ADGRE2: variants seen among roughly 807,000 people sequenced by gnomAD.
The protein encoded by ADGRE2 is CD97 antigen.
In ADGRE2, 83 loss-of-function variants were observed where a neutral mutation model predicts 100.8. That is an observed-to-expected ratio of 0.82 (90% CI 0.69 to 0.99). The LOEUF (loss-of-function observed/expected upper bound fraction) is 0.99, where lower values mean the gene tolerates loss of function less well. Ranked by LOEUF, ADGRE2 falls within the 50% of genes least tolerant of loss-of-function variation. The probability of loss-of-function intolerance (pLI) is 0.00; values close to 1 mark genes in which losing one functional copy is unlikely to be tolerated. For missense variants in ADGRE2, 814 were observed against 1,035.7 expected, an observed-to-expected ratio of 0.79 and a Z score of 2.94; for synonymous variants, 355 against 413.0, an observed-to-expected ratio of 0.86 and a Z score of 1.70.
At chr19:14,752,889 A>G (rs2147245024) in intron 14 of ADGRE2, among the ~76,000 whole-genome samples, 1 of 151,810 alleles carries the variant, frequency 6.6e-6, no homozygotes, top group Admixed American at 6.6e-5. Flanking sequence ...CTCGTGTCTC[A>G]GCCTCCCAAG....
chr19:14,741,868 G>C, intron 20 of ADGRE2: 1 of 395,608 alleles, frequency 2.5e-6, no homozygotes, highest in Non-Finnish European at 4.4e-6. Flanking sequence ...ATATAATCTG[G>C]AGAAGATGGA....
At chr19:14,775,586 C>T (rs1032636144) in intron 2 of ADGRE2, among the ~76,000 whole-genome samples, 1 of 151,976 alleles carries the variant, frequency 6.6e-6, no homozygotes, top group African/African-American at 2.4e-5. Context: ...TGGTCAGGCA[C>T]GGTGGCTCGG....
At chr19:14,746,012 T>C (rs1371143611) in intron 18 of ADGRE2, among the ~76,000 whole-genome samples, 1 of 152,198 alleles carries the variant, frequency 6.6e-6, no homozygotes, top group Non-Finnish European at 1.5e-5. Flanking sequence ...TGCTCTGGGA[T>C]TCACAAACTG....
intron 2 of ADGRE2, among the ~76,000 whole-genome samples, chr19:14,776,123 C>A (rs937799600): frequency 6.6e-6 from 1 of 152,070 alleles, no homozygotes; most frequent in East Asian, 1.9e-4. Context: ...GGGGGACCCT[C>A]CTCAGGTCAC....
intron 5 of ADGRE2, among the ~76,000 whole-genome samples, chr19:14,768,426 G>A (rs531359938): frequency 6.6e-6 from 1 of 152,318 alleles, no homozygotes; most frequent in African/African-American, 2.4e-5. Flanking sequence ...ACTGGCCCTG[G>A]GTGAAGGTTT....
chr19:14,747,368 C>T (rs2043125998), intron 16 of ADGRE2, among the ~76,000 whole-genome samples: 1 of 151,966 alleles, frequency 6.6e-6, no homozygotes, highest in Non-Finnish European at 1.5e-5. Context: ...GGTGTGGTGG[C>T]TCACACCTGT....
Position 14,733,789 on chromosome 19 carries a change from C to G in ADGRE2, c.*2447G>C, listed in dbSNP as rs888478979. 1 of 152,166 alleles carries G rather than the reference C, an allele frequency of 6.6e-6. No individual in the cohort carries two copies. Among genetic ancestry groups the G allele is most frequent in the South Asian group, 2.1e-4 (1 of 4,832 alleles). 9.4% of individuals were successfully genotyped at this position (152,166 alleles called of 1,614,324 possible). ...CTCTTTCTTTAATTCTTACACTGAC[C>G]TAGTGGTGGAGGCTTGGCAAGGATG... On this transcript the variant is annotated 3_prime_UTR_variant, in exon 21 of 21. Coordinates refer to ENST00000315576, the MANE Select transcript of ADGRE2 (RefSeq NM_013447.4).
downstream of ADGRE2, among the ~76,000 whole-genome samples, chr19:14,730,479 T>A (rs1792239048): frequency 6.6e-6 from 1 of 151,678 alleles, no homozygotes. Flanking sequence ...ACTTTTTTCT[T>A]TTTCTTTCTT....
chr19:14,739,849 C>T (rs1568576248), intron 20 of ADGRE2, among the ~76,000 whole-genome samples: 1 of 152,118 alleles, frequency 6.6e-6, no homozygotes, highest in Non-Finnish European at 1.5e-5. Flanking sequence ...GTCTGTAATC[C>T]CAGCACTTTG....
At chr19:14,764,374 G>C (rs1386996332) in intron 11 of ADGRE2, 59 bp downstream of exon 11, 1 of 1,553,446 alleles carries the variant, frequency 6.4e-7, no homozygotes, top group African/African-American at 1.4e-5. Context: ...GTGGGACTGG[G>C]AAAGGAAGGA....
chr19:14,764,345 G>C (rs569187152), intron 11 of ADGRE2, 88 bp downstream of exon 11: 2 of 1,181,296 alleles, frequency 1.7e-6, no homozygotes, highest in South Asian at 2.5e-5. Context: ...TGATATACAG[G>C]TGTGGTCACT....
chr19:14,725,906 C>T, the ADGRE2 span, among the ~76,000 whole-genome samples: 1 of 152,156 alleles, frequency 6.6e-6, no homozygotes, highest in Non-Finnish European at 1.5e-5. Context: ...GGGAGGTGGC[C>T]CTCCAGCTCC....
Position 14,768,724 on chromosome 19 carries a change from A to G in ADGRE2, c.356-1615T>C, listed in dbSNP as rs117769114. The G allele has an allele frequency of 2.5e-3, 388 of 152,454 alleles. 1 individual carries two copies. The highest frequency in any genetic ancestry group is 2.6e-3 in the Non-Finnish European group (180 of 68,148). 9.4% of individuals were successfully genotyped at this position (152,454 alleles called of 1,614,324 possible). A position where few individuals can be genotyped will look rare whatever the true frequency, so the allele number is the denominator to read the frequency against. On this transcript the variant is annotated intron_variant, in intron 5 of 20. Transcript: ENST00000315576. ...AGCCACAACATCCTCCAGTGCACTCAGGTGGACCAAAACTATCAGGAAGGG... is the reference window on the plus strand; with the variant it reads ...AGCCACAACATCCTCCAGTGCACTCGGGTGGACCAAAACTATCAGGAAGGG...
chr19:14,769,225 C>T (rs968041116), intron 5 of ADGRE2, among the ~76,000 whole-genome samples: 2 of 143,918 alleles, frequency 1.4e-5, no homozygotes, highest in Non-Finnish European at 3.0e-5. Context: ...CACCCCCCCC[C>T]CATCTTTACT....
intron 10 of ADGRE2, among the ~76,000 whole-genome samples, 191 bp from the exon 11 acceptor site, chr19:14,764,801 A>G (rs911774525): frequency 1.3e-5 from 2 of 152,182 alleles, no homozygotes; most frequent in East Asian, 3.9e-4. Flanking sequence ...GGTGGGTCAC[A>G]AGGTCAGGAG....
intron 7 of ADGRE2, 119 bp downstream of exon 7, chr19:14,766,116 T>C (rs1430644991): frequency 6.5e-7 from 1 of 1,540,758 alleles, no homozygotes; most frequent in Admixed American, 1.8e-5. Flanking sequence ...CTCAGAAGAA[T>C]GAACGCCTGA....
At chr19:14,727,965 G>A (rs1210846731), downstream of ADGRE2, among the ~76,000 whole-genome samples, 1 of 152,222 alleles carries the variant, frequency 6.6e-6, no homozygotes, top group Non-Finnish European at 1.5e-5. Context: ...GCTCACGCCT[G>A]TAATCCCAGC....
At chr19:14,746,038 A>G (rs951161738) in intron 18 of ADGRE2, among the ~76,000 whole-genome samples, 194 bp downstream of exon 18, 1 of 152,204 alleles carries the variant, frequency 6.6e-6, no homozygotes. Context: ...AGACATGGAC[A>G]AAACATGTTG....
chr19:14,763,539 T>C (rs2147374813), intron 11 of ADGRE2, among the ~76,000 whole-genome samples: 1 of 151,824 alleles, frequency 6.6e-6, no homozygotes, highest in Admixed American at 6.6e-5. Flanking sequence ...TGAAAATGCA[T>C]GTTATTTATG....
Sources: allele counts gnomAD v4.1 joint callset (sites outside exome capture counted in the v4.1 genomes callset), GRCh38; gene constraint gnomAD v4.1.1; transcripts MANE v1.5; gene names NCBI Gene and HGNC (gene_info 2026-07-23, HGNC 2026-07-21).